LINGO2: variants seen among roughly 807,000 people sequenced by gnomAD.
LINGO2 encodes leucine rich repeat and Ig domain containing 2, also known as leucine-rich repeat and immunoglobulin-like domain-containing nogo receptor-interacting protein 2.
A neutral mutation model predicts 30.6 loss-of-function variants in LINGO2; 14 were observed. That is an observed-to-expected ratio of 0.46 (90% confidence interval 0.30 to 0.72). The LOEUF is 0.72. LINGO2 is among the 30% of genes least tolerant of loss of function. LINGO2 has a pLI of 0.07. For synonymous variants in LINGO2, 317 were observed against 288.5 expected (o/e 1.10, Z -1.00); for missense variants, 729 against 751.7 (o/e 0.97, Z 0.35).
At chr9:28,564,137 A>G (rs1823243956) in intron 1 of LINGO2, among the ~76,000 whole-genome samples, 1 of 152,148 alleles carries the variant, frequency 6.6e-6, no homozygotes, top group African/African-American at 2.4e-5. Flanking sequence ...ATGAAAAAGA[A>G]TTGTGGGGAA....
At chr9:28,332,966 CA>C (rs903548293) in intron 3 of LINGO2, among the ~76,000 whole-genome samples, 26 of 152,216 alleles carry the variant, frequency 1.7e-4, no homozygotes, top group African/African-American at 6.3e-4. Flanking sequence ...CCTCACTCCT[CA>C]AAGTTTAAAG....
rs1164724626 is a variant in LINGO2 at position 28,241,267 on chromosome 9, CAAAA to C, written c.-87+53937_-87+53940del. Among the ~76,000 whole-genome samples, 781 of 83,588 alleles carry C rather than the reference CAAAA, an allele frequency of 9.3e-3. 14 individuals are homozygous for C. Among genetic ancestry groups the C allele is most frequent in the African/African-American group, 0.034 (716 of 20,940 alleles). The allele number at this position is 83,588 out of a possible 152,430, so 54.8% of individuals were successfully genotyped here. ...CTGGTGACAAAGCAAGACCCTGTCT[CAAAA>C]AAAAAAAAAAAAAAAAAAAAAGAAA... On this transcript the variant is annotated intron_variant, in intron 4 of 5. Coordinates refer to ENST00000379992, the Ensembl canonical transcript of LINGO2.
intron 1 of LINGO2, among the ~76,000 whole-genome samples, chr9:28,639,508 G>A (rs1456902331): frequency 2.0e-5 from 3 of 152,052 alleles, no homozygotes; most frequent in African/African-American, 4.8e-5. Context: ...GTGCTCCTGT[G>A]CTGGGTGCAT....
At chr9:28,971,672 C>T in the LINGO2 span, among the ~76,000 whole-genome samples, 2 of 152,202 alleles carry the variant, frequency 1.3e-5, no homozygotes, top group South Asian at 2.1e-4. Flanking sequence ...GACTCTAGTC[C>T]TTGACACTCA....
At chr9:29,106,960 C>T in the LINGO2 span, among the ~76,000 whole-genome samples, 1 of 152,238 alleles carries the variant, frequency 6.6e-6, no homozygotes, top group African/African-American at 2.4e-5. Flanking sequence ...AAGTGGCAGA[C>T]AATACCAATA....
the LINGO2 span, among the ~76,000 whole-genome samples, chr9:29,017,898 C>G: frequency 1.3e-5 from 2 of 151,766 alleles, no homozygotes; most frequent in Non-Finnish European, 2.9e-5. Flanking sequence ...AGCGTCAGCC[C>G]CAGTAGAGGC....
At chr9:28,640,134 T>C (rs1384795985) in intron 1 of LINGO2, among the ~76,000 whole-genome samples, 2 of 152,170 alleles carry the variant, frequency 1.3e-5, no homozygotes, top group Non-Finnish European at 2.9e-5. Context: ...TCTTTAAGAA[T>C]GTTGACTAGT....
chr9:28,598,565 G>A (rs1386414727), intron 1 of LINGO2: 6 of 152,432 alleles, frequency 3.9e-5, no homozygotes, highest in Non-Finnish European at 7.3e-5. Context: ...ACACAGCAGG[G>A]AGGTTGGGTG....
intron 3 of LINGO2, among the ~76,000 whole-genome samples, chr9:28,315,847 A>G (rs542792829): frequency 6.6e-6 from 1 of 152,360 alleles, no homozygotes; most frequent in East Asian, 1.9e-4. Context: ...TTCAAAGTAC[A>G]TAATTCTTAG....
intron 1 of LINGO2, among the ~76,000 whole-genome samples, chr9:28,483,585 G>C (rs1156470944): frequency 6.6e-6 from 1 of 151,860 alleles, no homozygotes; most frequent in Non-Finnish European, 1.5e-5. Flanking sequence ...AACTAGGATG[G>C]TAGCTTGAGT....
chr9:28,988,164 C>T, the LINGO2 span, among the ~76,000 whole-genome samples: 1 of 152,076 alleles, frequency 6.6e-6, no homozygotes, highest in African/African-American at 2.4e-5. Context: ...TATAGTGTAT[C>T]TCTCCCTTCA....
chr9:28,369,118 A>C (rs1820799656), intron 3 of LINGO2, among the ~76,000 whole-genome samples: 1 of 151,922 alleles, frequency 6.6e-6, no homozygotes. Flanking sequence ...CTTAATCCCT[A>C]CCTTTAATAT....
chr9:28,236,433 T>G (rs1327780805), intron 4 of LINGO2, among the ~76,000 whole-genome samples: 1 of 152,154 alleles, frequency 6.6e-6, no homozygotes, highest in African/African-American at 2.4e-5. Context: ...GCGGAATAGT[T>G]TAACACAGTA....
At chr9:28,811,284 A>T in the LINGO2 span, among the ~76,000 whole-genome samples, 1 of 151,978 alleles carries the variant, frequency 6.6e-6, no homozygotes, top group East Asian at 1.9e-4. Context: ...CATGACCACC[A>T]CCCTAGTCCC....
At chr9:28,159,284 A>T (rs1327859145) in intron 4 of LINGO2, among the ~76,000 whole-genome samples, 5 of 152,176 alleles carry the variant, frequency 3.3e-5, no homozygotes, top group Non-Finnish European at 5.9e-5. Context: ...CAGAGAATTA[A>T]AATGCTGAAA....
chr9:27,962,638 G>A (rs143316640), intron 5 of LINGO2, among the ~76,000 whole-genome samples: 1 of 152,096 alleles, frequency 6.6e-6, no homozygotes, highest in Non-Finnish European at 1.5e-5. Flanking sequence ...AACTGTGGAG[G>A]AATGTTGTGC....
At chr9:28,736,155 C>T in the LINGO2 span, among the ~76,000 whole-genome samples, 1 of 152,130 alleles carries the variant, frequency 6.6e-6, no homozygotes, top group South Asian at 2.1e-4. Flanking sequence ...AGGACATGCC[C>T]AGTACGTTCA....
At chr9:28,100,046 T>A (rs1411488172) in intron 4 of LINGO2, among the ~76,000 whole-genome samples, 2 of 152,224 alleles carry the variant, frequency 1.3e-5, no homozygotes, top group East Asian at 3.9e-4. Context: ...AACAAGATCA[T>A]ATTCAAAATA....
At chr9:27,980,244 G>A (rs1410247416) in intron 5 of LINGO2, among the ~76,000 whole-genome samples, 1 of 151,932 alleles carries the variant, frequency 6.6e-6, no homozygotes, top group Non-Finnish European at 1.5e-5. Flanking sequence ...GCACTCAAAC[G>A]TGCAGGATGC....
Sources: allele counts gnomAD v4.1 joint callset (sites outside exome capture counted in the v4.1 genomes callset), GRCh38; gene constraint gnomAD v4.1.1; transcripts MANE v1.5; gene names NCBI Gene and HGNC (gene_info 2026-07-23, HGNC 2026-07-21).